Variants in GALNT9 observed in about 807,000 individuals in gnomAD.
The protein encoded by GALNT9 is GalNAc transferase 9.
A neutral mutation model predicts 63.1 loss-of-function variants in GALNT9; 47 were observed. The observed-to-expected ratio is 0.75, with a 90% CI of 0.59 to 0.95. The LOEUF (loss-of-function observed/expected upper bound fraction) is 0.95. Among genes scored for constraint, GALNT9 ranks in the 40% least tolerant of loss-of-function variants. The pLI, the probability that GALNT9 is intolerant of heterozygous loss-of-function variation, is 0.00. For missense variants in GALNT9, 829 were observed against 874.8 expected, an observed-to-expected ratio of 0.95 and a Z score of 0.66; for synonymous variants, 396 against 365.7, an observed-to-expected ratio of 1.08 and a Z score of -0.94.
At chr12:132,297,171 G>GATAACCAACTCACTCCCACA (rs1555243330) in intron 1 of GALNT9, among the ~76,000 whole-genome samples, 1 of 149,596 alleles carries the variant, frequency 6.7e-6, no homozygotes, top group African/African-American at 2.5e-5. Context: ...TCACTCCCAT[G>GATAACCAACTCACTCCCACA]ATAACCAACT....
At chr12:132,243,404 G>A (rs1216085839) in intron 6 of GALNT9, among the ~76,000 whole-genome samples, 1 of 150,858 alleles carries the variant, frequency 6.6e-6, no homozygotes, top group Non-Finnish European at 1.5e-5. Context: ...TCTCTCTGGT[G>A]GGGGCCCCAG....
In GALNT9 at chr12:132,246,136, T is replaced by C. The variant is rs1167470533; in HGVS notation, c.1077+1774A>G. ...CCGACACCCGCGTGGGTGCGTTCAA[T>C]CCACGGCCGACCCGCCAAGGTCTGG... On this transcript the variant is annotated intron_variant, in intron 6 of 10. Coordinates refer to ENST00000328957, the MANE Select transcript of GALNT9 (RefSeq NM_001122636.2). This position sits in a 1 kb window ranked among gnomAD's most constrained non-coding sequence, Gnocchi z 4.7. Among the ~76,000 whole-genome samples, 1 of 152,206 alleles carries C rather than the reference T, an allele frequency of 6.6e-6. No homozygotes were observed. Among genetic ancestry groups the C allele is most frequent in the East Asian group, 1.9e-4 (1 of 5,202 alleles).
chr12:132,201,197 C>T lies in GALNT9; in HGVS notation c.1328G>A (p.Arg443His), dbSNP rs763432318. 37 of 1,612,898 alleles carry T rather than the reference C, an allele frequency of 2.3e-5. No individual in the cohort carries two copies. Among genetic ancestry groups the T allele is most frequent in the East Asian group, 4.5e-5 (2 of 44,890 alleles). The stretch of plus-strand genomic sequence containing the variant: ...GTTCTCCAGGTACCACTTGAAGCTG[C>T]GACACTTCAGCCTCTGACGCAGGGC... ...RLALRQRLKC[R>H]SFKWYLENVY... The change falls in exon 8 of 11, where the codon CGC (arginine) becomes CAC (histidine). Residue 443 changes from arginine to histidine, a missense_variant. Physicochemically the swap from Arg to His is conservative, Grantham distance 29. Coordinates refer to ENST00000328957, the MANE Select transcript of GALNT9 (RefSeq NM_001122636.2).
chr12:132,288,484 G>A (rs1880687060), intron 1 of GALNT9, among the ~76,000 whole-genome samples: 1 of 152,254 alleles, frequency 6.6e-6, no homozygotes, highest in Non-Finnish European at 1.5e-5. Flanking sequence ...GGAATTGGAT[G>A]TCTCCCAGAG....
intron 2 of GALNT9, among the ~76,000 whole-genome samples, chr12:132,263,110 C>T (rs910801038): frequency 2.0e-5 from 3 of 152,112 alleles, no homozygotes; most frequent in Admixed American, 6.5e-5. Context: ...TTGGGGACGG[C>T]GCTGCTGGGC....
At chr12:132,267,229 G>A (rs1193831797) in intron 2 of GALNT9, among the ~76,000 whole-genome samples, 1 of 138,918 alleles carries the variant, frequency 7.2e-6, no homozygotes, top group Non-Finnish European at 1.5e-5. Flanking sequence ...ACCAGGGCGG[G>A]GAAGGAGGCA....
chr12:132,245,990 T>C lies in GALNT9; in HGVS notation c.1077+1920A>G, dbSNP rs999228809. On this transcript the variant is annotated intron_variant, in intron 6 of 10. Coordinates refer to ENST00000328957, the MANE Select transcript of GALNT9 (RefSeq NM_001122636.2). The surrounding 1 kb of genome is among the most constrained non-coding windows in gnomAD (Gnocchi z 6.3). ...CCGGTCCCCGGCACCCTCCCCAGGC[T>C]GTCCTCCTCGTCTCTGCGGTGCGTT... 2.0e-5 allele frequency among the ~76,000 whole-genome samples: 3 copies of C among 152,236 alleles called. No homozygotes were observed. Among genetic ancestry groups the C allele is most frequent in the Non-Finnish European group, 2.9e-5 (2 of 68,038 alleles).
intron 5 of GALNT9, among the ~76,000 whole-genome samples, chr12:132,249,116 CTG>C (rs1352026452): frequency 2.6e-5 from 4 of 152,230 alleles, no homozygotes; most frequent in Admixed American, 2.6e-4. Flanking sequence ...CAGGCAGAGT[CTG>C]TGTGTTGTAA....
chr12:132,323,888 C>CG (rs1261102573), intron 1 of GALNT9, among the ~76,000 whole-genome samples: 7 of 152,350 alleles, frequency 4.6e-5, no homozygotes, highest in Admixed American at 2.0e-4. Context: ...CGAGACCTGC[C>CG]GGGGCCGGGA....
At chr12:132,302,900 A>G (rs1207763453) in intron 1 of GALNT9, among the ~76,000 whole-genome samples, 6 of 152,068 alleles carry the variant, frequency 3.9e-5, no homozygotes, top group African/African-American at 1.4e-4. Flanking sequence ...TTGAGCTGAG[A>G]GGGAGAGAGG....
chr12:132,317,976 C>T (rs1868600118), intron 1 of GALNT9, among the ~76,000 whole-genome samples: 1 of 152,240 alleles, frequency 6.6e-6, no homozygotes, highest in African/African-American at 2.4e-5. Flanking sequence ...CACACTGGCT[C>T]ATGCCTGCAA....
Position 132,215,364 on chromosome 12 carries a change from G to A in GALNT9, c.1078-11674C>T, listed in dbSNP as rs377352940. Among the ~76,000 whole-genome samples, 3 of 152,368 alleles carry A rather than the reference G, an allele frequency of 2.0e-5. No individual in the cohort carries two copies. In the South Asian group the frequency reaches 6.2e-4, roughly 32 times the overall value. On this transcript the variant is annotated intron_variant, in intron 6 of 10. Transcript: ENST00000328957. ...TCAGTTTCTAAATGGAGGCCAGGAC[G>A]CGGCGCCCGGCACCGCCTGGATGCC...
chr12:132,225,019 CCCACA>C (rs1223554441), intron 6 of GALNT9, among the ~76,000 whole-genome samples: 3 of 138,752 alleles, frequency 2.2e-5, no homozygotes, highest in African/African-American at 8.2e-5. Flanking sequence ...GTACACCCCC[CCCACA>C]CACCACATAA....
intron 6 of GALNT9, among the ~76,000 whole-genome samples, chr12:132,215,225 G>A (rs548276070): frequency 3.9e-5 from 6 of 152,380 alleles, no homozygotes; most frequent in Non-Finnish European, 7.3e-5. Context: ...GCTCTTTCTC[G>A]TGGTTTGCAG....
chr12:132,323,251 A>G (rs1439590925), intron 1 of GALNT9, among the ~76,000 whole-genome samples: 2 of 152,228 alleles, frequency 1.3e-5, no homozygotes, highest in African/African-American at 2.4e-5. Flanking sequence ...GCTGTGCTGA[A>G]TTGTAAATGC....
chr12:132,226,406 T>C (rs1877689487), intron 6 of GALNT9, among the ~76,000 whole-genome samples: 1 of 133,708 alleles, frequency 7.5e-6, no homozygotes, highest in African/African-American at 2.9e-5. Context: ...ATACACCTCA[T>C]ATACCCCATG....
At chr12:132,284,810 G>T (rs576691188) in intron 2 of GALNT9, among the ~76,000 whole-genome samples, 1 of 152,298 alleles carries the variant, frequency 6.6e-6, no homozygotes, top group African/African-American at 2.4e-5. Context: ...TGTGAAGTGG[G>T]CCCCACCTGG....
chr12:132,257,444 ATG>A (rs1879166259), intron 5 of GALNT9, among the ~76,000 whole-genome samples: 13 of 62,976 alleles, frequency 2.1e-4, no homozygotes, highest in Middle Eastern at 8.5e-3. Flanking sequence ...CCTCGTCCCC[ATG>A]CCCTCATCCC....
chr12:132,268,886 G>A (rs921751984), intron 2 of GALNT9, among the ~76,000 whole-genome samples: 6 of 152,266 alleles, frequency 3.9e-5, no homozygotes, highest in Non-Finnish European at 4.4e-5. Context: ...AAGCGGCGCC[G>A]GTGAGGGTCG....
Sources: allele counts gnomAD v4.1 joint callset (sites outside exome capture counted in the v4.1 genomes callset), GRCh38; gene constraint gnomAD v4.1.1; non-coding constraint Gnocchi (gnomAD v3.1); transcripts MANE v1.5; gene names NCBI Gene and HGNC (gene_info 2026-07-23, HGNC 2026-07-21).